PAPPA: variants seen among roughly 807,000 people sequenced by gnomAD.
PAPPA encodes pappalysin-1.
PAPPA carries 60 observed loss-of-function variants against 164.0 expected under a neutral mutation model. The ratio of observed to expected loss-of-function variants is 0.37; its 90% CI spans 0.30 to 0.45. The LOEUF (loss-of-function observed/expected upper bound fraction) is 0.45, where lower values mean the gene tolerates loss of function less well. Ranked by LOEUF, PAPPA falls within the 20% of genes least tolerant of loss-of-function variation. The pLI is 1.00. For missense variants in PAPPA, 1,782 were observed against 2,087.3 expected (o/e 0.85, Z 2.85); for synonymous variants, 875 against 814.1 (o/e 1.07, Z -1.27).
At chr9:116,281,425 A>G (rs914524626) in intron 9 of PAPPA, among the ~76,000 whole-genome samples, 1 of 152,082 alleles carries the variant, frequency 6.6e-6, no homozygotes, top group Non-Finnish European at 1.5e-5. Context: ...CCTTACCCTT[A>G]AGGGAAGAAG....
intron 7 of PAPPA, among the ~76,000 whole-genome samples, chr9:116,253,415 C>G (rs1844883548): frequency 6.6e-6 from 1 of 152,138 alleles, no homozygotes; most frequent in South Asian, 2.1e-4. Context: ...AGAAAAATAG[C>G]TGATTGGGCC....
At chr9:116,252,044 A>T (rs1476498563) in intron 7 of PAPPA, among the ~76,000 whole-genome samples, 2 of 152,252 alleles carry the variant, frequency 1.3e-5, no homozygotes, top group African/African-American at 4.8e-5. Context: ...GTAAAAGATG[A>T]TTAAAACAAA....
At chr9:116,375,711 G>A (rs567052277) in intron 19 of PAPPA, among the ~76,000 whole-genome samples, 1 of 152,270 alleles carries the variant, frequency 6.6e-6, no homozygotes, top group South Asian at 2.1e-4. Flanking sequence ...GCCTCACCAA[G>A]AGGCCTAATT....
At chr9:116,369,721 C>T (rs1031656058) in intron 19 of PAPPA, among the ~76,000 whole-genome samples, 2 of 151,990 alleles carry the variant, frequency 1.3e-5, no homozygotes, top group Non-Finnish European at 2.9e-5. Flanking sequence ...GAAATAAATC[C>T]AGGGATTTGA....
At chr9:116,248,590 C>T (rs1019651511) in intron 7 of PAPPA, among the ~76,000 whole-genome samples, 13 of 152,202 alleles carry the variant, frequency 8.5e-5, no homozygotes, top group African/African-American at 3.1e-4. Context: ...GACCCAGCCT[C>T]TCTCTTAGGA....
Position 116,398,976 on chromosome 9 carries a change from G to C in PAPPA, c.*2360G>C. The stretch of plus-strand genomic sequence containing the variant: ...GTGTTAACTACCTTAGAAGGTACAA[G>C]CTAAGAAATGTAACAGTATCAACCC... On this transcript the variant is annotated 3_prime_UTR_variant, in exon 22 of 22. Transcript: ENST00000328252. 1 of 262,076 alleles carries C rather than the reference G, an allele frequency of 3.8e-6. No individual in the cohort carries two copies. The highest frequency in any genetic ancestry group is 7.5e-6 in the Non-Finnish European group (1 of 133,546). The allele number at this position is 262,076 out of a possible 1,614,324, so 16.2% of individuals were successfully genotyped here.
intron 14 of PAPPA, among the ~76,000 whole-genome samples, chr9:116,346,089 T>C (rs1014096189): frequency 2.6e-5 from 4 of 152,158 alleles, no homozygotes; most frequent in Non-Finnish European, 4.4e-5. Flanking sequence ...GTGAGGGACC[T>C]CACTCAAGCA....
intron 13 of PAPPA, among the ~76,000 whole-genome samples, chr9:116,344,041 C>T (rs537082507): frequency 2.0e-5 from 3 of 152,282 alleles, no homozygotes; most frequent in East Asian, 1.9e-4. Flanking sequence ...GCTGGGATTA[C>T]AGGCATGAGC....
chr9:116,193,961 C>T (rs1844074108), intron 2 of PAPPA, among the ~76,000 whole-genome samples: 1 of 152,146 alleles, frequency 6.6e-6, no homozygotes, highest in African/African-American at 2.4e-5. Context: ...TTAGCATAAG[C>T]AGGCTTTGTA....
chr9:116,366,113 G>A, intron 18 of PAPPA, among the ~76,000 whole-genome samples: 1 of 152,198 alleles, frequency 6.6e-6, no homozygotes, highest in Non-Finnish European at 1.5e-5. Flanking sequence ...TGTTTGGAGG[G>A]TGGTTTCGAT....
intron 21 of PAPPA, among the ~76,000 whole-genome samples, chr9:116,393,716 G>C (rs879132146): frequency 1.3e-5 from 2 of 152,106 alleles, no homozygotes; most frequent in East Asian, 3.9e-4. Flanking sequence ...CTTGCGAAAA[G>C]ACCTGGACAA....
Position 116,334,955 on chromosome 9 carries a change from G to A in PAPPA, c.3492G>A (p.Val1164=). 1.9e-6 allele frequency: 3 copies of A among 1,613,478 alleles called. No homozygotes were observed. In the South Asian group the frequency reaches 3.3e-5, roughly 18 times the overall value. ...QPFYHSQAVR[V]SFSSPLVAIS... ...TCTACCACAGCCAGGCGGTACGTGT[G>A]AGCTTCAGTTCGCCCCTGGTCGCCA... The change falls in exon 13 of 22, where the codon GTG becomes GTA. Residue 1164 remains valine (V), a synonymous_variant. Transcript: ENST00000328252.
At chr9:116,274,226 T>G (rs981662909) in intron 9 of PAPPA, among the ~76,000 whole-genome samples, 5 of 152,222 alleles carry the variant, frequency 3.3e-5, no homozygotes, top group African/African-American at 1.2e-4. Flanking sequence ...GAAGGCTCTC[T>G]GTTACCCCTG....
At chr9:116,333,992 G>C (rs554994805) in intron 12 of PAPPA, among the ~76,000 whole-genome samples, 1 of 152,102 alleles carries the variant, frequency 6.6e-6, no homozygotes, top group Non-Finnish European at 1.5e-5. Flanking sequence ...TAGCAAGCCC[G>C]CCAGGACATG....
chr9:116,261,066 A>G (rs1051832225), intron 7 of PAPPA, among the ~76,000 whole-genome samples: 1 of 152,216 alleles, frequency 6.6e-6, no homozygotes, highest in Admixed American at 6.5e-5. Context: ...ATCGGCAAGT[A>G]GCTTAATCTT....
chr9:116,341,672 G>T (rs957862407), intron 13 of PAPPA, among the ~76,000 whole-genome samples: 1 of 152,168 alleles, frequency 6.6e-6, no homozygotes, highest in African/African-American at 2.4e-5. Context: ...AGGATAACAG[G>T]CATCTTGTTT....
At chr9:116,345,590 A>G (rs1411517729) in intron 14 of PAPPA, among the ~76,000 whole-genome samples, 1 of 152,176 alleles carries the variant, frequency 6.6e-6, no homozygotes, top group East Asian at 1.9e-4. Context: ...CTTCAGGACA[A>G]CAGGGAGCTG....
At chr9:116,223,734 G>C (rs1844472271) in intron 5 of PAPPA, among the ~76,000 whole-genome samples, 1 of 152,124 alleles carries the variant, frequency 6.6e-6, no homozygotes, top group Non-Finnish European at 1.5e-5. Context: ...CATACAGATG[G>C]AATTTATACT....
intron 1 of PAPPA, among the ~76,000 whole-genome samples, chr9:116,183,714 C>T (rs531021463): frequency 6.6e-6 from 1 of 152,320 alleles, no homozygotes; most frequent in South Asian, 2.1e-4. Context: ...TCTCATTTCC[C>T]TTAATGTGTT....
Sources: gnomAD v4.1 joint callset for allele counts (sites outside exome capture counted in the v4.1 genomes callset) on GRCh38, gnomAD v4.1.1 for gene constraint, MANE v1.5 for transcripts, NCBI Gene and HGNC (gene_info 2026-07-23, HGNC 2026-07-21) for gene names.